The following MEIS3 variants were observed in gnomAD, a reference collection of about 807,000 sequenced individuals.
MEIS3 encodes the protein Meis homeobox 3.
Under a neutral mutation model 51.4 loss-of-function variants are expected in MEIS3, and 38 were observed. The ratio of observed to expected loss-of-function variants is 0.74; its 90% CI spans 0.57 to 0.97. The LOEUF is 0.97. Among genes scored for constraint, MEIS3 ranks in the 50% least tolerant of loss-of-function variants. MEIS3 has a pLI of 0.00. For synonymous variants in MEIS3, 198 were observed against 201.8 expected, an observed-to-expected ratio of 0.98 and a Z score of 0.16; for missense variants, 456 against 502.6, an observed-to-expected ratio of 0.91 and a Z score of 0.89.
intron 10 of MEIS3, 27 bp from the exon 11 acceptor site, chr19:47,406,998 C>A: frequency 6.4e-7 from 1 of 1,574,202 alleles, no homozygotes; most frequent in Non-Finnish European, 8.6e-7. Context: ...GAGGTGCAGG[C>A]TGAGCCCCAG....
chr19:47,419,858 A>AT (rs1311754573), upstream of MEIS3, among the ~76,000 whole-genome samples: 2 of 151,960 alleles, frequency 1.3e-5, no homozygotes, highest in African/African-American at 4.8e-5. Context: ...CCCCCTGGAC[A>AT]CACCACGGAC....
At chr19:47,420,940 A>ACACACTCTCTCTCT (rs1187725467), upstream of MEIS3, among the ~76,000 whole-genome samples, 415 of 90,712 alleles carry the variant, frequency 4.6e-3, 2 homozygotes, top group East Asian at 9.7e-3. Flanking sequence ...ACACACACAC[A>ACACACTCTCTCTCT]CTCTCTCTCT....
At chr19:47,421,917 C>T (rs1040305048), upstream of MEIS3, among the ~76,000 whole-genome samples, 2 of 151,700 alleles carry the variant, frequency 1.3e-5, no homozygotes, top group Non-Finnish European at 2.9e-5. Context: ...CCACCGTATC[C>T]TCCCTGGGCT....
chr19:47,417,680 C>G (rs916427023), intron 1 of MEIS3: 3 of 702,398 alleles, frequency 4.3e-6, no homozygotes, highest in East Asian at 2.7e-5. Flanking sequence ...GAGAGAGAGA[C>G]AGACAGAGAG....
chr19:47,404,207 C>T (rs566113455), intron 12 of MEIS3, among the ~76,000 whole-genome samples: 4 of 152,018 alleles, frequency 2.6e-5, no homozygotes, highest in Non-Finnish European at 5.9e-5. Flanking sequence ...AGAAAAGAGC[C>T]CACTGGGCAG....
At chr19:47,412,023 T>C (rs1371831224) in intron 6 of MEIS3, among the ~76,000 whole-genome samples, 1 of 151,848 alleles carries the variant, frequency 6.6e-6, no homozygotes, top group Non-Finnish European at 1.5e-5. Context: ...TTTGTCGAGA[T>C]GGGATTTCAC....
At chr19:47,416,556 C>T (rs1453442701) in intron 4 of MEIS3, 96 bp downstream of exon 4, 2 of 1,000,694 alleles carry the variant, frequency 2.0e-6, no homozygotes, top group African/African-American at 1.6e-5. Flanking sequence ...GACCAGGTGG[C>T]CTTCTCTCTG....
At position 47,403,452 on chromosome 19, in the gene MEIS3, G is replaced by A. The variant is rs1224025624; in HGVS notation, c.*119C>T. On this transcript the variant is annotated 3_prime_UTR_variant, in exon 13 of 13. Transcript: ENST00000558555. Reference sequence around the variant, plus strand: ...TCCCAGCAGGGCCCTAGGGAGGTAGGCATTGAGCAGAGGGGCCTTTGGAGG... The same window carrying A: ...TCCCAGCAGGGCCCTAGGGAGGTAGACATTGAGCAGAGGGGCCTTTGGAGG... 1 of 455,656 alleles carries A rather than the reference G, an allele frequency of 2.2e-6. No homozygotes were observed. Among genetic ancestry groups the A allele is most frequent in the South Asian group, 1.6e-5 (1 of 64,514 alleles). 28.2% of individuals were successfully genotyped at this position (455,656 alleles called of 1,614,324 possible). A position where few individuals can be genotyped will look rare whatever the true frequency, so the allele number is the denominator to read the frequency against.
Position 47,409,166 on chromosome 19 carries a change from T to C in MEIS3, c.791A>G (p.Lys264Arg), listed in dbSNP as rs377027493. ...EDLDQERRRN[K>R]KRGIFPKVAT... ...CACCTTGGGGAAGATCCCCCTCTTC[T>C]TGTTTCGCCGTCGCTCCTGGTCCAA... The change falls in exon 8 of 13, where the codon AAG becomes AGG. Residue 264 changes from lysine to arginine, a missense_variant. Transcript: ENST00000558555. 2.8e-4 allele frequency: 454 copies of C among 1,612,522 alleles called. 3 individuals are homozygous for C. The South Asian group carries it at 4.7e-3, about 17-fold the overall frequency.
At chr19:47,417,012 A>G (rs1599826769) in intron 2 of MEIS3, 49 bp from the exon 3 acceptor site, 1 of 1,548,266 alleles carries the variant, frequency 6.5e-7, no homozygotes, top group Non-Finnish European at 8.7e-7. Context: ...TGGGAGGTGG[A>G]TGGAGGGGCT....
At position 47,415,087 on chromosome 19, in the gene MEIS3, G is replaced by C; in HGVS notation, c.411C>G (p.Ile137Met). The C allele has an allele frequency of 2.7e-6, 4 of 1,503,792 alleles. No individual in the cohort carries two copies. The highest frequency in any genetic ancestry group is 3.6e-6 in the Non-Finnish European group (4 of 1,118,858). 93.2% of individuals were successfully genotyped at this position (1,503,792 alleles called of 1,614,324 possible). A position where few individuals can be genotyped will look rare whatever the true frequency, so the allele number is the denominator to read the frequency against. ...CCAGCAGGTGGAACCGCAGCACCTG[G>C]ATGGCCTGGATCATCTGAAAACGTG... ...PELDNLMIQA[I>M]QVLRFHLLEL... Residue 137 changes from isoleucine (I) to methionine (M), a missense_variant, in exon 5 of 13, where the codon ATC becomes ATG. Coordinates refer to ENST00000558555, the MANE Select transcript of MEIS3 (RefSeq NM_001301059.2).
chr19:47,414,590 T>G, intron 6 of MEIS3, 127 bp downstream of exon 6: 3 of 1,121,254 alleles, frequency 2.7e-6, no homozygotes, highest in Non-Finnish European at 3.8e-6. Context: ...GCTGTGTGCA[T>G]ATGCGTGCCC....
chr19:47,404,268 C>G (rs1441364775), intron 12 of MEIS3, among the ~76,000 whole-genome samples: 2 of 152,030 alleles, frequency 1.3e-5, no homozygotes, highest in Non-Finnish European at 2.9e-5. Context: ...CCCAAAGGTC[C>G]CCTGACACTC....
upstream of MEIS3, among the ~76,000 whole-genome samples, chr19:47,420,745 G>A (rs996636266): frequency 4.0e-5 from 6 of 151,338 alleles, no homozygotes; most frequent in South Asian, 8.4e-4. Context: ...GGAGAAATAA[G>A]TGTGTGGGAG....
chr19:47,403,520 G>A lies in MEIS3; in HGVS notation c.*51C>T. On this transcript the variant is annotated 3_prime_UTR_variant, in exon 13 of 13. Transcript: ENST00000558555. ...AGGACCAGGCGGGAACCAGAGGCAGGTGTGAGGCTGGGGGTCACAGCCGGA... is the reference window on the plus strand; with the variant it reads ...AGGACCAGGCGGGAACCAGAGGCAGATGTGAGGCTGGGGGTCACAGCCGGA... The A allele has an allele frequency of 2.2e-6, 1 of 455,428 alleles. No homozygotes were observed. The highest frequency in any genetic ancestry group is 4.4e-6 in the Non-Finnish European group (1 of 226,406). 28.2% of individuals were successfully genotyped at this position (455,428 alleles called of 1,614,324 possible).
rs1287018294 is a variant in MEIS3, at chr19:47,419,381, C to A, written c.-300G>T. ...GAGGCCCCCTCCTCTGGGCCCCCCC[C>A]GTCCCTTCCCCGGCTCTGGAGGGAA... On this transcript the variant is annotated 5_prime_UTR_variant, in exon 1 of 13. Coordinates refer to ENST00000558555, the MANE Select transcript of MEIS3 (RefSeq NM_001301059.2). The A allele has an allele frequency of 6.4e-6, 1 of 155,922 alleles. No individual in the cohort carries two copies. The highest frequency in any genetic ancestry group is 1.4e-5 in the Non-Finnish European group (1 of 71,702). The allele number at this position is 155,922 out of a possible 1,614,324, so 9.7% of individuals were successfully genotyped here.
At chr19:47,420,743 A>C (rs1224053730), upstream of MEIS3, among the ~76,000 whole-genome samples, 1 of 150,138 alleles carries the variant, frequency 6.7e-6, no homozygotes, top group Non-Finnish European at 1.5e-5. Context: ...AGGGAGAAAT[A>C]AGTGTGTGGG....
chr19:47,406,584 T>TC (rs1970830010), intron 11 of MEIS3, 58 bp from the exon 12 acceptor site: 3 of 1,537,842 alleles, frequency 2.0e-6, no homozygotes, highest in Admixed American at 1.7e-5. Flanking sequence ...CCCAGATGCC[T>TC]CTAAGTCTCC....
At chr19:47,417,473 T>C in intron 1 of MEIS3, 123 bp from the exon 2 acceptor site, 1 of 1,230,680 alleles carries the variant, frequency 8.1e-7, no homozygotes, top group Non-Finnish European at 1.2e-6. Context: ...GAAACCTGCC[T>C]GTGGTCCCCA....
Sources: gnomAD v4.1 joint callset for allele counts (sites outside exome capture counted in the v4.1 genomes callset) on GRCh38, gnomAD v4.1.1 for gene constraint, MANE v1.5 for transcripts, NCBI Gene and HGNC (gene_info 2026-07-23, HGNC 2026-07-21) for gene names.